RBM47: variants seen among roughly 807,000 people sequenced by gnomAD.
RBM47 encodes the protein RNA-binding protein 47.
In RBM47, 21 loss-of-function variants were observed where a neutral mutation model predicts 47.1. The observed-to-expected ratio is 0.45, with a 90% CI of 0.32 to 0.64. The LOEUF (loss-of-function observed/expected upper bound fraction) is 0.64. RBM47 is among the 30% of genes least tolerant of loss of function. RBM47 has a pLI of 0.05. For synonymous variants in RBM47, 375 were observed against 361.7 expected, an observed-to-expected ratio of 1.04 and a Z score of -0.42; for missense variants, 708 against 870.9, an observed-to-expected ratio of 0.81 and a Z score of 2.35.
At chr4:40,616,314 A>T (rs1490831578) in intron 1 of RBM47, among the ~76,000 whole-genome samples, 2 of 149,966 alleles carry the variant, frequency 1.3e-5, no homozygotes, top group East Asian at 2.0e-4. Context: ...AGATCGCGCC[A>T]CTGCACTCCA....
intron 1 of RBM47, among the ~76,000 whole-genome samples, chr4:40,589,532 G>A (rs1250835558): frequency 6.6e-6 from 1 of 151,980 alleles, no homozygotes; most frequent in African/African-American, 2.4e-5. Flanking sequence ...CACCTCCTGG[G>A]TTCAAGCCAT....
chr4:40,622,655 G>T (rs1343399737), intron 1 of RBM47, among the ~76,000 whole-genome samples: 1 of 152,168 alleles, frequency 6.6e-6, no homozygotes, highest in Non-Finnish European at 1.5e-5. Context: ...GCCAAGGTAG[G>T]CAGCTCGCTT....
At chr4:40,559,704 T>A (rs1730427934) in intron 1 of RBM47, among the ~76,000 whole-genome samples, 1 of 152,258 alleles carries the variant, frequency 6.6e-6, no homozygotes, top group Non-Finnish European at 1.5e-5. Flanking sequence ...TCGGGAAGAC[T>A]CTTGGTGGTG....
At chr4:40,530,476 T>C (rs1001990906) in intron 2 of RBM47, among the ~76,000 whole-genome samples, 1 of 151,970 alleles carries the variant, frequency 6.6e-6, no homozygotes, top group African/African-American at 2.4e-5. Context: ...CTAATTTTTA[T>C]ATTTTTAGTA....
At chr4:40,579,438 A>AAAAAAAG (rs1313847034) in intron 1 of RBM47, among the ~76,000 whole-genome samples, 2 of 151,700 alleles carry the variant, frequency 1.3e-5, no homozygotes, top group Non-Finnish European at 2.9e-5. Flanking sequence ...AAAAAAAAAA[A>AAAAAAAG]AAATGCAATA....
intron 2 of RBM47, among the ~76,000 whole-genome samples, chr4:40,527,842 T>C (rs1726901925): frequency 6.6e-6 from 1 of 152,074 alleles, no homozygotes; most frequent in Non-Finnish European, 1.5e-5. Context: ...TGGAAGAATC[T>C]TCCAATATAG....
chr4:40,517,662 T>C (rs1331753067), intron 2 of RBM47, among the ~76,000 whole-genome samples: 2 of 152,142 alleles, frequency 1.3e-5, no homozygotes, highest in Non-Finnish European at 2.9e-5. Context: ...ATCAAGAATA[T>C]TCAAAAATCT....
intron 1 of RBM47, among the ~76,000 whole-genome samples, chr4:40,561,703 C>G (rs995903987): frequency 3.3e-5 from 5 of 151,824 alleles, no homozygotes; most frequent in African/African-American, 1.2e-4. Flanking sequence ...GCTTGCACCA[C>G]CATGCCCAGC....
At chr4:40,593,270 T>A (rs1734434130) in intron 1 of RBM47, among the ~76,000 whole-genome samples, 2 of 151,290 alleles carry the variant, frequency 1.3e-5, no homozygotes, top group Admixed American at 6.6e-5. Context: ...AGTGCTGGGA[T>A]TACAGGCGTG....
intron 3 of RBM47, among the ~76,000 whole-genome samples, chr4:40,442,987 A>G (rs947125180): frequency 2.9e-4 from 44 of 152,268 alleles, no homozygotes; most frequent in Admixed American, 1.8e-3. Context: ...TCAGCCTTGA[A>G]TAAAATTCTG....
At chr4:40,624,247 C>T (rs1737527922) in intron 1 of RBM47, among the ~76,000 whole-genome samples, 1 of 152,096 alleles carries the variant, frequency 6.6e-6, no homozygotes, top group South Asian at 2.1e-4. Context: ...AGTTAGCCTG[C>T]CTAAAGTCAC....
chr4:40,548,105 T>G (rs1434628920), intron 1 of RBM47, among the ~76,000 whole-genome samples: 1 of 152,110 alleles, frequency 6.6e-6, no homozygotes, highest in Non-Finnish European at 1.5e-5. Flanking sequence ...TGACACCAGC[T>G]CTAATCCACA....
chr4:40,443,171 G>T (rs770041464), intron 3 of RBM47, among the ~76,000 whole-genome samples: 7 of 152,078 alleles, frequency 4.6e-5, no homozygotes, highest in African/African-American at 9.7e-5. Context: ...GGAGGAGTGG[G>T]GAATTAGTGC....
intron 1 of RBM47, among the ~76,000 whole-genome samples, chr4:40,571,817 G>A (rs548846012): frequency 3.8e-4 from 58 of 151,702 alleles, no homozygotes; most frequent in African/African-American, 1.3e-3. Context: ...TCAGGAGTTA[G>A]AGAACAGCCT....
chr4:40,532,658 T>TG, intron 2 of RBM47, among the ~76,000 whole-genome samples: 1 of 98,770 alleles, frequency 1.0e-5, no homozygotes, highest in African/African-American at 1.1e-4. Context: ...TCTTTTTAAA[T>TG]ATTTTTTTCC....
At chr4:40,577,970 A>C (rs1255460010) in intron 1 of RBM47, among the ~76,000 whole-genome samples, 2 of 152,030 alleles carry the variant, frequency 1.3e-5, no homozygotes, top group African/African-American at 4.8e-5. Context: ...ACACAGCAAG[A>C]CCTCTTCTCT....
chr4:40,563,839 G>A (rs1730852954), intron 1 of RBM47, among the ~76,000 whole-genome samples: 1 of 152,134 alleles, frequency 6.6e-6, no homozygotes, highest in African/African-American at 2.4e-5. Flanking sequence ...AATGGCAATT[G>A]CCCAATGTAT....
chr4:40,570,346 G>C (rs1376959771), intron 1 of RBM47, among the ~76,000 whole-genome samples: 3 of 151,814 alleles, frequency 2.0e-5, no homozygotes, highest in Non-Finnish European at 2.9e-5. Context: ...CCCATCTGGG[G>C]GTGATGGGAG....
At chr4:40,610,478 C>T (rs760417036) in intron 1 of RBM47, among the ~76,000 whole-genome samples, 10 of 151,700 alleles carry the variant, frequency 6.6e-5, no homozygotes, top group Non-Finnish European at 1.2e-4. Context: ...GGCTCGGTGG[C>T]GGGTGCCTGT....
Sources: allele counts gnomAD v4.1 joint callset (sites outside exome capture counted in the v4.1 genomes callset), GRCh38; gene constraint gnomAD v4.1.1; transcripts MANE v1.5; gene names NCBI Gene and HGNC (gene_info 2026-07-23, HGNC 2026-07-21).